RASAL2: variants seen among roughly 807,000 people sequenced by gnomAD.
RASAL2 encodes the protein ras GTPase-activating protein nGAP.
A neutral mutation model predicts 128.9 loss-of-function variants in RASAL2; 58 were observed. The observed-to-expected ratio is 0.45, with a 90% CI of 0.36 to 0.56. RASAL2 has a LOEUF of 0.56. Ranked by LOEUF, RASAL2 falls within the 20% of genes least tolerant of loss-of-function variation. The pLI is 0.00. For synonymous variants in RASAL2, 561 were observed against 580.8 expected (o/e 0.97, Z 0.49); for missense variants, 1,360 against 1,601.6 (o/e 0.85, Z 2.57).
At chr1:178,267,183 G>C (rs559805988) in intron 1 of RASAL2, among the ~76,000 whole-genome samples, 7 of 152,066 alleles carry the variant, frequency 4.6e-5, no homozygotes, top group African/African-American at 2.4e-5. Context: ...CTCCATCCCT[G>C]TTCCCTTTTT....
Position 178,439,588 on chromosome 1 carries a change from T to G in RASAL2, c.828+13T>G. The G allele has an allele frequency of 6.2e-7, 1 of 1,603,750 alleles. No individual in the cohort carries two copies. Among genetic ancestry groups the G allele is most frequent in the Non-Finnish European group, 8.5e-7 (1 of 1,176,288 alleles). On this transcript the variant is annotated intron_variant, in intron 6 of 17. Transcript: ENST00000367649. ...CTTCTGCTTTGAGGTAAAAATAAAG[T>G]GTAGAAAAAAGGAAGAGTAGTTAAA...
chr1:178,388,578 G>A (rs573820701), intron 3 of RASAL2, among the ~76,000 whole-genome samples: 1 of 152,254 alleles, frequency 6.6e-6, no homozygotes, highest in East Asian at 1.9e-4. Flanking sequence ...TCAGTCTTTA[G>A]GAATGTTCCA....
intron 1 of RASAL2, among the ~76,000 whole-genome samples, chr1:178,230,406 CCATTACCAAT>C (rs1663956457): frequency 6.6e-6 from 1 of 152,128 alleles, no homozygotes; most frequent in Non-Finnish European, 1.5e-5. Context: ...TTTTGTGCTC[CCATTACCAAT>C]CATGAGAGTT....
chr1:178,181,588 A>T (rs1424497337), intron 1 of RASAL2, among the ~76,000 whole-genome samples: 1 of 152,124 alleles, frequency 6.6e-6, no homozygotes, highest in African/African-American at 2.4e-5. Flanking sequence ...TTTACCTAAC[A>T]TTCTTTTTCT....
chr1:178,408,602 G>GT (rs59524376), intron 4 of RASAL2, among the ~76,000 whole-genome samples: 6,863 of 139,902 alleles, frequency 0.049, 620 homozygotes, highest in African/African-American at 0.18. Flanking sequence ...TGTTTGGTTG[G>GT]TTTTTTTTTG....
chr1:178,422,748 A>G (rs567689835), intron 5 of RASAL2, among the ~76,000 whole-genome samples: 3 of 152,260 alleles, frequency 2.0e-5, no homozygotes, highest in East Asian at 1.9e-4. Flanking sequence ...AATGTTATAC[A>G]GTGTCTAAAT....
At chr1:178,308,761 GCTGGGAAAC>G (rs1426090536) in intron 3 of RASAL2, among the ~76,000 whole-genome samples, 1 of 151,668 alleles carries the variant, frequency 6.6e-6, no homozygotes, top group Non-Finnish European at 1.5e-5. Context: ...TGTTGCTCAT[GCTGGGAAAC>G]CTTGGTTTAA....
At chr1:178,135,408 G>T (rs1571525910) in intron 1 of RASAL2, among the ~76,000 whole-genome samples, 1 of 146,222 alleles carries the variant, frequency 6.8e-6, no homozygotes, top group Non-Finnish European at 1.5e-5. Flanking sequence ...CAGAATACTT[G>T]TGAATGGCTT....
intron 1 of RASAL2, among the ~76,000 whole-genome samples, chr1:178,242,297 T>C (rs1664534225): frequency 6.6e-6 from 1 of 152,200 alleles, no homozygotes; most frequent in Admixed American, 6.5e-5. Context: ...CACGTTCCCA[T>C]ATTTCTGCTT....
chr1:178,462,527 T>C (rs1356723343), intron 14 of RASAL2, among the ~76,000 whole-genome samples: 1 of 152,102 alleles, frequency 6.6e-6, no homozygotes, highest in Non-Finnish European at 1.5e-5. Flanking sequence ...AACAAAAAAA[T>C]TCATGAAACA....
intron 11 of RASAL2, among the ~76,000 whole-genome samples, chr1:178,453,018 A>G (rs2102889825): frequency 6.6e-6 from 1 of 152,294 alleles, no homozygotes; most frequent in South Asian, 2.1e-4. Context: ...AAACACAAAA[A>G]TCTAAGTATA....
At chr1:178,464,564 AGT>A in intron 15 of RASAL2, 152 bp downstream of exon 15, 1 of 625,612 alleles carries the variant, frequency 1.6e-6, no homozygotes, top group East Asian at 3.2e-5. Flanking sequence ...AAAATAGGTC[AGT>A]GGTGTGTGTG....
chr1:178,371,421 C>T (rs967989289), intron 3 of RASAL2, among the ~76,000 whole-genome samples: 3 of 151,198 alleles, frequency 2.0e-5, no homozygotes, highest in South Asian at 2.1e-4. Context: ...TGACTAGAAG[C>T]CCAGAATTGC....
chr1:178,439,466 C>A lies in RASAL2; in HGVS notation c.719C>A (p.Ser240Tyr). 6.2e-7 allele frequency: 1 copy of A among 1,612,238 alleles called. No homozygotes were observed. Among genetic ancestry groups the A allele is most frequent in the Non-Finnish European group, 8.5e-7 (1 of 1,178,970 alleles). Residue 240 changes from serine to tyrosine, a missense_variant, in exon 6 of 18, where the codon TCC (serine) becomes TAC (tyrosine). Around this residue, in one of 3 missense-constraint regions of RASAL2, gnomAD observed 617 missense variants for 714.2 expected, o/e 0.86. Transcript: ENST00000367649. ...CTAAAAGAGTCACGTTCCCATGAATCCTTGCTGAGCCCATGCAGCACAGTG... is the reference window on the plus strand; with the variant it reads ...CTAAAAGAGTCACGTTCCCATGAATACTTGCTGAGCCCATGCAGCACAGTG... ...PKLKESRSHE[S>Y]LLSPCSTVEC...
chr1:178,143,829 G>A (rs1660624751), intron 1 of RASAL2, among the ~76,000 whole-genome samples: 1 of 151,016 alleles, frequency 6.6e-6, no homozygotes. Flanking sequence ...AAAAGAGAAA[G>A]GGAAACCTGA....
intron 3 of RASAL2, among the ~76,000 whole-genome samples, chr1:178,344,987 C>T (rs1156997291): frequency 6.6e-6 from 1 of 152,136 alleles, no homozygotes; most frequent in Non-Finnish European, 1.5e-5. Flanking sequence ...ACTCAGAATA[C>T]TTTCTTTGTA....
intron 1 of RASAL2, among the ~76,000 whole-genome samples, chr1:178,124,418 C>T (rs764625011): frequency 1.3e-5 from 2 of 152,136 alleles, no homozygotes; most frequent in African/African-American, 2.4e-5. Flanking sequence ...ATACCAAAGA[C>T]TTATCCTGTC....
chr1:178,129,790 C>T (rs890207198), intron 1 of RASAL2, among the ~76,000 whole-genome samples: 3 of 151,892 alleles, frequency 2.0e-5, no homozygotes, highest in Admixed American at 6.6e-5. Context: ...TATTTTTTAG[C>T]CTGTGGATAT....
chr1:178,120,829 GCTC>G (rs1659690791), intron 1 of RASAL2: 1 of 152,240 alleles, frequency 6.6e-6, no homozygotes, highest in East Asian at 1.9e-4. Context: ...TAGGGTTCGT[GCTC>G]CCATGAGAAT....
Sources: gnomAD v4.1 joint callset for allele counts (sites outside exome capture counted in the v4.1 genomes callset) on GRCh38, gnomAD v4.1.1 for gene constraint, gnomAD v4.1.1 regional missense constraint, MANE v1.5 for transcripts, NCBI Gene and HGNC (gene_info 2026-07-23, HGNC 2026-07-21) for gene names.